CDH4: variants seen among roughly 807,000 people sequenced by gnomAD.
CDH4 encodes cadherin-4.
A neutral mutation model predicts 86.0 loss-of-function variants in CDH4; 33 were observed. That is an observed-to-expected ratio of 0.38 (90% CI 0.29 to 0.51). CDH4 has a LOEUF of 0.51. Ranked by LOEUF, CDH4 falls within the 20% of genes least tolerant of loss-of-function variation. The probability of loss-of-function intolerance (pLI) is 0.86; values close to 1 mark genes in which losing one functional copy is unlikely to be tolerated. For missense variants in CDH4, 1,114 were observed against 1,307.4 expected, an observed-to-expected ratio of 0.85 and a Z score of 2.28; for synonymous variants, 555 against 549.4, an observed-to-expected ratio of 1.01 and a Z score of -0.14.
chr20:61,588,675 C>T (rs1385350856), intron 2 of CDH4, among the ~76,000 whole-genome samples: 1 of 152,174 alleles, frequency 6.6e-6, no homozygotes, highest in Admixed American at 6.5e-5. Context: ...CCTTTCTCCT[C>T]TGTCTCCAGT....
At chr20:61,605,897 A>C (rs1438929593) in intron 2 of CDH4, among the ~76,000 whole-genome samples, 3 of 151,940 alleles carry the variant, frequency 2.0e-5, no homozygotes, top group Non-Finnish European at 4.4e-5. Flanking sequence ...AAAAAAAAAA[A>C]AAAAAAAACA....
intron 2 of CDH4, among the ~76,000 whole-genome samples, chr20:61,509,765 C>T (rs2085766634): frequency 6.6e-6 from 1 of 152,060 alleles, no homozygotes; most frequent in African/African-American, 2.4e-5. Flanking sequence ...AGTCAGCAGA[C>T]AGGGTCTGGG....
chr20:61,529,387 A>T (rs1052341419), intron 2 of CDH4, among the ~76,000 whole-genome samples: 1 of 152,246 alleles, frequency 6.6e-6, no homozygotes, highest in African/African-American at 2.4e-5. Flanking sequence ...CATTATGATT[A>T]TATAATCCTT....
chr20:61,818,690 T>TAAA (rs749117643), intron 4 of CDH4, among the ~76,000 whole-genome samples: 3 of 142,790 alleles, frequency 2.1e-5, no homozygotes, highest in East Asian at 2.1e-4. Flanking sequence ...ACTAAAAATT[T>TAAA]AAAAAAAAAA....
At chr20:61,624,281 T>C (rs1368689442) in intron 2 of CDH4, among the ~76,000 whole-genome samples, 2 of 152,148 alleles carry the variant, frequency 1.3e-5, no homozygotes, top group Non-Finnish European at 2.9e-5. Flanking sequence ...TCTAAATAAG[T>C]CCCACAATTT....
chr20:61,626,822 T>C (rs77445990), intron 2 of CDH4, among the ~76,000 whole-genome samples: 3,490 of 152,262 alleles, frequency 0.023, 103 homozygotes, highest in African/African-American at 0.078. Context: ...TTTTTTAAAT[T>C]GCGCTCGAAG....
At chr20:61,744,001 C>T (rs1213254767) in intron 3 of CDH4, among the ~76,000 whole-genome samples, 1 of 152,242 alleles carries the variant, frequency 6.6e-6, no homozygotes, top group African/African-American at 2.4e-5. Flanking sequence ...TGGGCAGGCA[C>T]ACAGGCCCCA....
intron 4 of CDH4, among the ~76,000 whole-genome samples, chr20:61,837,784 C>CCACAATCCGCCCCAGCCTCCAG: frequency 6.6e-6 from 1 of 152,108 alleles, no homozygotes; most frequent in South Asian, 2.1e-4. Flanking sequence ...GTCTGTCCCT[C>CCACAATCCGCCCCAGCCTCCAG]CACAATCCGC....
intron 2 of CDH4, among the ~76,000 whole-genome samples, chr20:61,325,124 T>C (rs1266921304): frequency 2.6e-5 from 4 of 151,900 alleles, no homozygotes; most frequent in Admixed American, 1.3e-4. Context: ...GAACACATCA[T>C]GTACATCTCA....
At chr20:61,828,184 C>T (rs1358766239) in intron 4 of CDH4, among the ~76,000 whole-genome samples, 1 of 152,044 alleles carries the variant, frequency 6.6e-6, no homozygotes, top group Non-Finnish European at 1.5e-5. Flanking sequence ...TGGCTGCTAA[C>T]CTCCCAAAAA....
rs543990040 is a variant in CDH4, at chr20:61,670,951, T to TA, written c.170-72606dup. ...AGACTGAGGAAAACAGACTCAGCCC[T>TA]AAAAAACCTGTGAGTGTCCAGGTAT... On this transcript the variant is annotated intron_variant, in intron 2 of 15. Coordinates refer to ENST00000614565, the MANE Select transcript of CDH4 (RefSeq NM_001794.5). Among the ~76,000 whole-genome samples, 310 of 152,290 alleles carry TA rather than the reference T, an allele frequency of 2.0e-3. 1 individual carries two copies. Among genetic ancestry groups the TA allele is most frequent in the African/African-American group, 6.3e-3 (260 of 41,574 alleles).
chr20:61,524,781 C>A (rs2085898264), intron 2 of CDH4, among the ~76,000 whole-genome samples: 1 of 152,162 alleles, frequency 6.6e-6, no homozygotes, highest in Non-Finnish European at 1.5e-5. Flanking sequence ...CCACACCTGA[C>A]CAACTGTTTC....
chr20:61,744,663 C>T, intron 3 of CDH4, among the ~76,000 whole-genome samples: 1 of 152,166 alleles, frequency 6.6e-6, no homozygotes, highest in Non-Finnish European at 1.5e-5. Flanking sequence ...TGCCCTCCGA[C>T]TCTGCCTCCT....
chr20:61,729,901 T>C (rs983613096), intron 2 of CDH4, among the ~76,000 whole-genome samples: 9 of 152,234 alleles, frequency 5.9e-5, no homozygotes, highest in Non-Finnish European at 1.0e-4. Context: ...TGTTTTACTT[T>C]ATAATGGGAT....
intron 3 of CDH4, among the ~76,000 whole-genome samples, chr20:61,744,597 GAGAC>G (rs145306138): frequency 0.055 from 6,157 of 111,286 alleles, 621 homozygotes; most frequent in Admixed American, 0.083. Context: ...GGGAGAGAGA[GAGAC>G]AGACAGACAG....
chr20:61,585,462 G>T (rs1427947758), intron 2 of CDH4, among the ~76,000 whole-genome samples: 1 of 152,192 alleles, frequency 6.6e-6, no homozygotes, highest in African/African-American at 2.4e-5. Context: ...TTTATAAAAT[G>T]CCTATTATTT....
At chr20:61,294,728 G>A (rs542447440) in intron 2 of CDH4, among the ~76,000 whole-genome samples, 168 of 152,356 alleles carry the variant, frequency 1.1e-3, no homozygotes, top group African/African-American at 3.8e-3. Flanking sequence ...CCTCTGGGCC[G>A]CCCTGGGGAA....
chr20:61,324,132 G>A (rs145666844), intron 2 of CDH4, among the ~76,000 whole-genome samples: 4 of 152,226 alleles, frequency 2.6e-5, no homozygotes, highest in Admixed American at 2.0e-4. Flanking sequence ...GACCCAGATC[G>A]TCCAAATGTG....
intron 2 of CDH4, among the ~76,000 whole-genome samples, chr20:61,616,673 T>C (rs996322349): frequency 6.6e-6 from 1 of 152,212 alleles, no homozygotes; most frequent in African/African-American, 2.4e-5. Context: ...CAAAGCTTGC[T>C]GTCATCATGG....
Sources: gnomAD v4.1 joint callset for allele counts (sites outside exome capture counted in the v4.1 genomes callset) on GRCh38, gnomAD v4.1.1 for gene constraint, MANE v1.5 for transcripts, NCBI Gene and HGNC (gene_info 2026-07-23, HGNC 2026-07-21) for gene names.